Variants in KMT2B observed in about 807,000 individuals in gnomAD.
KMT2B encodes lysine methyltransferase 2B, also known as histone-lysine N-methyltransferase 2B.
A neutral mutation model predicts 255.3 loss-of-function variants in KMT2B; 22 were observed. That is an observed-to-expected ratio of 0.09 (90% CI 0.06 to 0.12). The LOEUF (loss-of-function observed/expected upper bound fraction) is 0.12. Among genes scored for constraint, KMT2B ranks in the 10% least tolerant of loss-of-function variants. The probability of loss-of-function intolerance (pLI) is 1.00; values close to 1 mark genes in which losing one functional copy is unlikely to be tolerated. For missense variants in KMT2B, 3,149 were observed against 3,737.0 expected (o/e 0.84, Z 4.10); for synonymous variants, 1,730 against 1,498.1 (o/e 1.15, Z -3.57).
chr19:35,733,370 A>G lies in KMT2B; in HGVS notation c.6821A>G (p.Gln2274Arg), dbSNP rs1201243863. 9 of 1,300,576 alleles carry G rather than the reference A, an allele frequency of 6.9e-6. No individual in the cohort carries two copies. The highest frequency in any genetic ancestry group is 4.7e-5 in the Admixed American group (2 of 42,822). 80.6% of individuals were successfully genotyped at this position (1,300,576 alleles called of 1,614,324 possible). The change falls in exon 28 of 37, where the codon CAG becomes CGG. Residue 2274 changes from glutamine (Q) to arginine (R), a missense_variant. Transcript: ENST00000420124. The surrounding 1 kb of genome is among the most constrained non-coding windows in gnomAD (Gnocchi z 4.3). ...LSSGPASPPRQAIRVKRVSTF... is the reference protein window; with the variant it reads ...LSSGPASPPRRAIRVKRVSTF... ...AGTGGGCCAGCCAGCCCGCCCCGCC[A>G]GGCCATCCGCGTCAAGAGGGTGTCC...
intron 5 of KMT2B, 65 bp downstream of exon 5, chr19:35,722,783 C>G: frequency 6.6e-6 from 10 of 1,525,394 alleles, no homozygotes; most frequent in Non-Finnish European, 8.8e-6. Flanking sequence ...GTGACATGCA[C>G]CAAGAGCCTA....
chr19:35,724,109 T>G, intron 8 of KMT2B, 102 bp downstream of exon 8: 2 of 1,183,026 alleles, frequency 1.7e-6, no homozygotes, highest in East Asian at 2.4e-5. Context: ...GTCAGTCTGA[T>G]AGAGAAGGTG....
Position 35,737,190 on chromosome 19 carries a change from C to A in KMT2B, c.7477C>A (p.His2493Asn). ...QRCQHYKFRY[H>N]QQGEGQEEPP... ...TTGCCAGCACTATAAGTTCCGTTAC[C>A]ACCAGCAGGGAGAGGGCCAGGAGGA... The change falls in exon 33 of 37, where the codon CAC becomes AAC. Residue 2493 changes from histidine (H) to asparagine (N), a missense_variant. His to Asn is a moderately conservative substitution (Grantham distance 68, BLOSUM62 1). Around this residue, in one of 18 missense-constraint regions of KMT2B, gnomAD observed 103 missense variants for 200.7 expected, o/e 0.51. Coordinates refer to ENST00000420124, the MANE Select transcript of KMT2B (RefSeq NM_014727.3). The surrounding 1 kb of genome is among the most constrained non-coding windows in gnomAD (Gnocchi z 5.3). 1.9e-6 allele frequency: 3 copies of A among 1,599,998 alleles called. No homozygotes were observed. The highest frequency in any genetic ancestry group is 2.6e-6 in the Non-Finnish European group (3 of 1,173,546).
At chr19:35,724,915 G>T in intron 9 of KMT2B, 74 bp from the exon 10 acceptor site, 3 of 1,173,058 alleles carry the variant, frequency 2.6e-6, no homozygotes, top group Non-Finnish European at 3.8e-6. Flanking sequence ...TAGGCTGGGG[G>T]AAAGGCGGTG....
rs1334762280 is a variant in KMT2B at position 35,728,118 on chromosome 19, C to T, written c.4518C>T (p.Gly1506=). 1.3e-6 allele frequency: 2 copies of T among 1,599,306 alleles called. No homozygotes were observed. Among genetic ancestry groups the T allele is most frequent in the Non-Finnish European group, 1.7e-6 (2 of 1,173,496 alleles). Residue 1506 remains glycine, a synonymous_variant, in exon 19 of 37, where the codon GGC becomes GGT. Coordinates refer to ENST00000420124, the MANE Select transcript of KMT2B (RefSeq NM_014727.3). The part of the protein sequence containing the change: ...LLLKLLESAF[G]WFDAHDPKYW... ...CCCAGCTGCTAGAATCTGCGTTCGG[C>T]TGGTTCGACGCCCACGACCCCAAGT...
Position 35,722,984 on chromosome 19 carries a change from T to C in KMT2B, c.2723-11T>C. 6.4e-7 allele frequency: 1 copy of C among 1,552,518 alleles called. No homozygotes were observed. On this transcript the variant is annotated splice_polypyrimidine_tract_variant and intron_variant, in intron 5 of 36. Transcript: ENST00000420124. ...GTGGCTCCATCCCCTCCTCCCTGCC[T>C]GCTGCAATAGATACATCATCGGCGT...
At position 35,738,846 on chromosome 19, in the gene KMT2B, AC is replaced by A. The variant is rs914742940; in HGVS notation, c.*296del. The A allele has an allele frequency of 1.5e-5, 7 of 480,708 alleles. No homozygotes were observed. Among genetic ancestry groups the A allele is most frequent in the South Asian group, 6.3e-5 (2 of 31,678 alleles). The allele number at this position is 480,708 out of a possible 1,614,324, so 29.8% of individuals were successfully genotyped here. Reference sequence around the variant, plus strand: ...TTAAGAGGTGGGGTCCCAGGTGGGAACCCCCCCACAATAAAGTCTGTCAATG... The same window carrying A: ...TTAAGAGGTGGGGTCCCAGGTGGGAACCCCCCACAATAAAGTCTGTCAATG... On this transcript the variant is annotated 3_prime_UTR_variant, in exon 37 of 37. Coordinates refer to ENST00000420124, the MANE Select transcript of KMT2B (RefSeq NM_014727.3). The surrounding 1 kb of genome is among the most constrained non-coding windows in gnomAD (Gnocchi z 8.7).
Position 35,738,583 on chromosome 19 carries a change from TCA to T in KMT2B, c.*30_*31del, listed in dbSNP as rs959013005. On this transcript the variant is annotated 3_prime_UTR_variant, in exon 37 of 37. Transcript: ENST00000420124. This position sits in a 1 kb window ranked among gnomAD's most constrained non-coding sequence, Gnocchi z 8.7. ...GGCCGTGGCTGCCCACCACGACCCC[TCA>T]CACCTCCTGCTGCCGTCGCTGCCAT... 1.2e-6 allele frequency: 2 copies of T among 1,602,318 alleles called. No homozygotes were observed. The highest frequency in any genetic ancestry group is 2.7e-5 in the African/African-American group (2 of 74,714).
Position 35,721,207 on chromosome 19 carries a change from TCCTCCC to T in KMT2B, c.1863_1868del (p.Pro622_Pro623del). 1.6e-5 allele frequency: 16 copies of T among 986,130 alleles called. No homozygotes were observed. The highest frequency in any genetic ancestry group is 2.1e-5 in the Non-Finnish European group (16 of 766,552). 61.1% of individuals were successfully genotyped at this position (986,130 alleles called of 1,614,324 possible). A position where few individuals can be genotyped will look rare whatever the true frequency, so the allele number is the denominator to read the frequency against. ...CCTCACTGACCCGGGAGCTGCCCCC[TCCTCCC>T]CCAGCCCCTCCACCTCCCCCGGCCC... On this transcript the variant is annotated inframe_deletion, in exon 3 of 37. Transcript: ENST00000420124.
Position 35,727,733 on chromosome 19 carries a change from C to T in KMT2B, c.4338C>T (p.Pro1446=), listed in dbSNP as rs1252632652. 8.1e-6 allele frequency: 13 copies of T among 1,613,750 alleles called. No homozygotes were observed. In the Admixed American group the frequency reaches 2.0e-4, roughly 25 times the overall value. Residue 1446 remains proline, a synonymous_variant, in exon 17 of 37, where the codon CCC becomes CCT. Transcript: ENST00000420124. This position sits in a 1 kb window ranked among gnomAD's most constrained non-coding sequence, Gnocchi z 4.2. ...ATGGGAAGCAACTGCACCCAGGACC[C>T]TGCGGCCTGCAAGCTGTGAGTCAGC... ...GPDGKQLHPG[P]CGLQAVSQRF... is the part of the protein sequence containing the mutation.
chr19:35,738,250 G>C lies in KMT2B; in HGVS notation c.7873-32G>C, dbSNP rs1394331681. 1.3e-6 allele frequency: 2 copies of C among 1,593,090 alleles called. No homozygotes were observed. Among genetic ancestry groups the C allele is most frequent in the Non-Finnish European group, 1.7e-6 (2 of 1,161,450 alleles). ...TGAAGCGAGCCTGTCCGCGGGGACA[G>C]AGCACCTGATCTCCCCACCTCATCC... On this transcript the variant is annotated intron_variant, in intron 36 of 36. Transcript: ENST00000420124. The surrounding 1 kb of genome is among the most constrained non-coding windows in gnomAD (Gnocchi z 8.7).
intron 30 of KMT2B, 52 bp from the exon 31 acceptor site, chr19:35,736,638 C>T (rs1969927872): frequency 6.2e-7 from 1 of 1,601,890 alleles, no homozygotes; most frequent in African/African-American, 1.3e-5. Flanking sequence ...GGCTCAGGGG[C>T]TTTTGAGTCC....
intron 14 of KMT2B, 27 bp downstream of exon 14, chr19:35,726,380 G>C (rs1285312756): frequency 1.3e-6 from 2 of 1,486,268 alleles, no homozygotes; most frequent in African/African-American, 2.8e-5. Flanking sequence ...GGAACTGGAT[G>C]CTGGGGGCCA....
rs1194786888 is a variant in KMT2B at position 35,736,994 on chromosome 19, G to A, written c.7372+8G>A. 6.2e-7 allele frequency: 1 copy of A among 1,613,160 alleles called. No homozygotes were observed. The highest frequency in any genetic ancestry group is 1.7e-5 in the Admixed American group (1 of 59,840). On this transcript the variant is annotated splice_region_variant and intron_variant, in intron 32 of 36. Transcript: ENST00000420124. ...GACATCTCTCCTTTAGTGGTAAGGA[G>A]TGGGCCCCACAGGGGGCAGGGAGCT...
At position 35,725,793 on chromosome 19, in the gene KMT2B, G is replaced by T; in HGVS notation, c.3860G>T (p.Arg1287Leu). The change falls in exon 13 of 37, where the codon CGG becomes CTG. Residue 1287 changes from arginine (R) to leucine (L), a missense_variant. Transcript: ENST00000420124. This position sits in a 1 kb window ranked among gnomAD's most constrained non-coding sequence, Gnocchi z 4.1. ...TGTCTGGGGCCCAGCTATCCAACCC[G>T]GGCCACGCGCAAACGGCGCCACTGG... is the stretch of plus-strand genomic sequence containing the variant. The part of the protein sequence containing the change: ...PACLGPSYPT[R>L]ATRKRRHWIC... The T allele has an allele frequency of 6.3e-7, 1 of 1,590,462 alleles. No individual in the cohort carries two copies. Among genetic ancestry groups the T allele is most frequent in the Non-Finnish European group, 8.6e-7 (1 of 1,169,114 alleles).
Position 35,733,063 on chromosome 19 carries a change from G to T in KMT2B, c.6514G>T (p.Val2172Phe). The change falls in exon 28 of 37, where the codon GTC becomes TTC. Residue 2172 changes from valine (V) to phenylalanine (F), a missense_variant. Val to Phe is a conservative substitution (Grantham distance 50). This residue lies in a region of KMT2B where 897 missense variants were observed against 825.3 expected (regional missense o/e 1.09). Transcript: ENST00000420124. This position sits in a 1 kb window ranked among gnomAD's most constrained non-coding sequence, Gnocchi z 4.3. ...TGCCTGGCTCCCAGGGGCCCCAGGG[G>T]TCCGGGTGTTAAGCCTTGGCCCTGC... ...TFAWLPGAPG[V>F]RVLSLGPAPE... 1.3e-6 allele frequency: 2 copies of T among 1,578,172 alleles called. No individual in the cohort carries two copies. The highest frequency in any genetic ancestry group is 1.7e-6 in the Non-Finnish European group (2 of 1,161,972).
chr19:35,726,409 CT>C, intron 14 of KMT2B, 56 bp downstream of exon 14: 1 of 1,136,318 alleles, frequency 8.8e-7, no homozygotes, highest in Non-Finnish European at 1.3e-6. Flanking sequence ...TGGCCAGGCT[CT>C]TTTACAGGCT....
chr19:35,730,183 G>C (rs1256600985), intron 23 of KMT2B, 58 bp downstream of exon 23: 1 of 1,608,822 alleles, frequency 6.2e-7, no homozygotes, highest in African/African-American at 1.3e-5. Flanking sequence ...TGTTCACTTA[G>C]GGACCCCCGT....
intron 2 of KMT2B, 79 bp downstream of exon 2, chr19:35,719,620 A>T: frequency 6.6e-7 from 1 of 1,516,050 alleles, no homozygotes; most frequent in Non-Finnish European, 9.0e-7. Context: ...TCCCTGTTCA[A>T]CTAGCCTCTG....
Sources: gnomAD v4.1 joint callset for allele counts on GRCh38, gnomAD v4.1.1 for gene constraint, gnomAD v4.1.1 regional missense constraint, Gnocchi (gnomAD v3.1) non-coding constraint, MANE v1.5 for transcripts, NCBI Gene and HGNC (gene_info 2026-07-23, HGNC 2026-07-21) for gene names.